Variants in KALRN observed in about 807,000 individuals in gnomAD.
KALRN encodes kalirin RhoGEF kinase.
KALRN carries 70 observed loss-of-function variants against 353.7 expected under a neutral mutation model. That is an observed-to-expected ratio of 0.20 (90% CI 0.16 to 0.24). The LOEUF (loss-of-function observed/expected upper bound fraction) is 0.24. Among genes scored for constraint, KALRN ranks in the 10% least tolerant of loss-of-function variants. The probability of loss-of-function intolerance (pLI) is 1.00; values close to 1 mark genes in which losing one functional copy is unlikely to be tolerated. For missense variants in KALRN, 2,791 were observed against 3,756.7 expected, an observed-to-expected ratio of 0.74 and a Z score of 6.72; for synonymous variants, 1,391 against 1,434.8, an observed-to-expected ratio of 0.97 and a Z score of 0.69.
In KALRN at chr3:124,671,980, G is replaced by C. The variant is rs866445175; in HGVS notation, c.6942+82G>C. On this transcript the variant is annotated intron_variant, in intron 48 of 59. Coordinates refer to ENST00000682506, the MANE Select transcript of KALRN (RefSeq NM_001388419.1). Reference sequence around the variant, plus strand: ...TTACTTTAGGAAGAGAAGGAGTCTCGGTCTGTCATCCAGGCTGGAGTGCAA... The same window carrying C: ...TTACTTTAGGAAGAGAAGGAGTCTCCGTCTGTCATCCAGGCTGGAGTGCAA... 9.8e-5 allele frequency: 105 copies of C among 1,073,666 alleles called. No individual in the cohort carries two copies. The South Asian group carries it at 1.2e-3, about 12-fold the overall frequency. The allele number at this position is 1,073,666 out of a possible 1,614,324, so 66.5% of individuals were successfully genotyped here.
rs530508811 is a variant in KALRN at position 124,448,730 on chromosome 3, G to A, written c.3552+1845G>A. Among the ~76,000 whole-genome samples, 8 of 152,174 alleles carry A rather than the reference G, an allele frequency of 5.3e-5. No individual in the cohort carries two copies. In the South Asian group the frequency reaches 1.5e-3, roughly 28 times the overall value. On this transcript the variant is annotated intron_variant, in intron 21 of 59. Coordinates refer to ENST00000682506, the MANE Select transcript of KALRN (RefSeq NM_001388419.1). ...TCCGTATAACCCTTCACCTGGCACA[G>A]ACCATCTCTCCTCCAGTAATCTATG...
intron 33 of KALRN, among the ~76,000 whole-genome samples, chr3:124,531,728 A>G (rs2068058594): frequency 6.6e-6 from 1 of 152,180 alleles, no homozygotes; most frequent in Non-Finnish European, 1.5e-5. Context: ...GGATGGTGCT[A>G]AGCCATTCAT....
Position 124,453,401 on chromosome 3 carries a change from G to A in KALRN, c.3553-1776G>A, listed in dbSNP as rs374326433. Among the ~76,000 whole-genome samples, 5 of 152,298 alleles carry A rather than the reference G, an allele frequency of 3.3e-5. No homozygotes were observed. In the South Asian group the frequency reaches 1.0e-3, roughly 32 times the overall value. On this transcript the variant is annotated intron_variant, in intron 21 of 59. Coordinates refer to ENST00000682506, the MANE Select transcript of KALRN (RefSeq NM_001388419.1). ...TGGTCCCTGGTCCCTGGCCATGTGT[G>A]CGGCAGGCAGAGCACTCTCAACTCT...
chr3:124,710,300 G>A (rs1248394702), intron 57 of KALRN, among the ~76,000 whole-genome samples: 1 of 152,206 alleles, frequency 6.6e-6, no homozygotes, highest in Non-Finnish European at 1.5e-5. Flanking sequence ...TGGGAAGACA[G>A]TGGTTGGGGA....
At chr3:124,446,414 G>A in intron 20 of KALRN, 138 bp downstream of exon 20, 1 of 650,004 alleles carries the variant, frequency 1.5e-6, no homozygotes, top group Non-Finnish European at 2.7e-6. Context: ...AAAGCAGGTT[G>A]TCACCTGTCA....
At chr3:124,577,608 T>TG (rs1427137609) in intron 34 of KALRN, among the ~76,000 whole-genome samples, 1 of 152,166 alleles carries the variant, frequency 6.6e-6, no homozygotes, top group Non-Finnish European at 1.5e-5. Context: ...ATATTTGGGC[T>TG]GGACACAGTG....
intron 47 of KALRN, among the ~76,000 whole-genome samples, chr3:124,668,445 G>A (rs1002790235): frequency 1.3e-5 from 2 of 152,168 alleles, no homozygotes; most frequent in African/African-American, 2.4e-5. Context: ...GCTCTGTGAT[G>A]GGCCAGTCTT....
chr3:124,667,143 C>T lies in KALRN; in HGVS notation c.6663C>T (p.Asp2221=), dbSNP rs753242051. The stretch of plus-strand genomic sequence containing the variant: ...ACATCCAGCAGGCCTGGGTGCAGGA[C>T]ATCAATCAAGTCTTAGAAACACAGC... ...NADIQQAWVQ[D]INQVLETQRD... Residue 2221 remains aspartate (D), a synonymous_variant, in exon 47 of 60, where the codon GAC becomes GAT. Coordinates refer to ENST00000682506, the MANE Select transcript of KALRN (RefSeq NM_001388419.1). 2 of 1,614,112 alleles carry T rather than the reference C, an allele frequency of 1.2e-6. No individual in the cohort carries two copies. Among genetic ancestry groups the T allele is most frequent in the East Asian group, 2.2e-5 (1 of 44,884 alleles).
At chr3:124,608,261 C>A (rs1245110603) in intron 34 of KALRN, among the ~76,000 whole-genome samples, 1 of 152,050 alleles carries the variant, frequency 6.6e-6, no homozygotes, top group African/African-American at 2.4e-5. Flanking sequence ...CCCACCTTGT[C>A]TTTCCAAAGT....
chr3:124,574,155 C>G (rs926248130), intron 34 of KALRN, among the ~76,000 whole-genome samples: 1 of 152,196 alleles, frequency 6.6e-6, no homozygotes, highest in African/African-American at 2.4e-5. Flanking sequence ...CTACATCCAT[C>G]TAATACTATT....
At chr3:124,412,423 T>C (rs995213805) in intron 13 of KALRN, among the ~76,000 whole-genome samples, 1 of 152,202 alleles carries the variant, frequency 6.6e-6, no homozygotes, top group African/African-American at 2.4e-5. Flanking sequence ...ACAGTACACA[T>C]GCTGTCGCCT....
At chr3:124,711,941 A>G (rs2062908289) in intron 57 of KALRN, among the ~76,000 whole-genome samples, 1 of 152,208 alleles carries the variant, frequency 6.6e-6, no homozygotes, top group Non-Finnish European at 1.5e-5. Context: ...AAGATAACAA[A>G]CATAAAATAA....
intron 5 of KALRN, among the ~76,000 whole-genome samples, chr3:124,285,252 G>A (rs2075723703): frequency 6.6e-6 from 1 of 152,094 alleles, no homozygotes; most frequent in African/African-American, 2.4e-5. Flanking sequence ...ACTCTAGAAG[G>A]AGTAGTATAT....
chr3:124,434,628 C>A, intron 17 of KALRN, 103 bp downstream of exon 17: 1 of 929,958 alleles, frequency 1.1e-6, no homozygotes, highest in Non-Finnish European at 1.7e-6. Flanking sequence ...AGAAGCCTGT[C>A]CTTTCAGTAC....
At chr3:124,406,060 G>A (rs912203372) in intron 13 of KALRN, among the ~76,000 whole-genome samples, 8 of 152,074 alleles carry the variant, frequency 5.3e-5, no homozygotes, top group African/African-American at 1.9e-4. Flanking sequence ...TTGAACATTG[G>A]AACTCATCAA....
intron 33 of KALRN, among the ~76,000 whole-genome samples, chr3:124,551,513 T>TA (rs2070531330): frequency 2.0e-5 from 3 of 152,146 alleles, no homozygotes; most frequent in Admixed American, 6.5e-5. Context: ...GCAACTGACC[T>TA]AGAAAGAGGC....
chr3:124,191,252 C>A (rs780568715), intron 1 of KALRN, among the ~76,000 whole-genome samples: 2 of 151,790 alleles, frequency 1.3e-5, no homozygotes, highest in Non-Finnish European at 2.9e-5. Flanking sequence ...TGTATAGGCA[C>A]GACTGACTAA....
intron 33 of KALRN, among the ~76,000 whole-genome samples, chr3:124,502,473 T>C (rs1477450116): frequency 1.3e-5 from 2 of 152,114 alleles, no homozygotes; most frequent in Non-Finnish European, 2.9e-5. Context: ...GGGCTGCCAG[T>C]AGTGTCTCCT....
chr3:124,076,251 G>C (rs375604395), intron 1 of KALRN, among the ~76,000 whole-genome samples: 21 of 152,326 alleles, frequency 1.4e-4, no homozygotes, highest in South Asian at 6.2e-4. Flanking sequence ...CAGCTAGGGT[G>C]GGGGGATAGG....
Sources: allele counts gnomAD v4.1 joint callset (sites outside exome capture counted in the v4.1 genomes callset), GRCh38; gene constraint gnomAD v4.1.1; transcripts MANE v1.5; gene names NCBI Gene and HGNC (gene_info 2026-07-23, HGNC 2026-07-21).